ARL15: variants seen among roughly 807,000 people sequenced by gnomAD.
ARL15 encodes the protein ARF like GTPase 15.
ARL15 carries 19 observed loss-of-function variants against 25.2 expected under a neutral mutation model. The observed-to-expected ratio is 0.75, with a 90% CI of 0.53 to 1.10. The LOEUF (loss-of-function observed/expected upper bound fraction) is 1.10. Ranked by LOEUF, ARL15 falls within the 50% of genes least tolerant of loss-of-function variation. The pLI, the probability that ARL15 is intolerant of heterozygous loss-of-function variation, is 0.00. For missense variants in ARL15, 220 were observed against 246.0 expected, an observed-to-expected ratio of 0.89 and a Z score of 0.71; for synonymous variants, 94 against 86.8, an observed-to-expected ratio of 1.08 and a Z score of -0.46.
chr5:54,206,123 C>T (rs1755861594), intron 1 of ARL15, among the ~76,000 whole-genome samples: 1 of 152,082 alleles, frequency 6.6e-6, no homozygotes, highest in Non-Finnish European at 1.5e-5. Flanking sequence ...TGATCTGGCC[C>T]AAAGTCTATG....
At chr5:53,916,466 G>A (rs975755572) in intron 4 of ARL15, among the ~76,000 whole-genome samples, 2 of 151,846 alleles carry the variant, frequency 1.3e-5, no homozygotes, top group South Asian at 4.2e-4. Context: ...TTTACCTGCT[G>A]CAGGGAAAAC....
At chr5:54,266,741 A>G (rs1757635578) in intron 1 of ARL15, among the ~76,000 whole-genome samples, 1 of 152,212 alleles carries the variant, frequency 6.6e-6, no homozygotes, top group Non-Finnish European at 1.5e-5. Flanking sequence ...TGATAGTCTC[A>G]AGACATCAGG....
chr5:53,889,000 A>T (rs1413916332), intron 4 of ARL15, among the ~76,000 whole-genome samples: 2 of 152,206 alleles, frequency 1.3e-5, no homozygotes, highest in African/African-American at 2.4e-5. Flanking sequence ...TGAAGTATGC[A>T]ACATCCAAAA....
intron 1 of ARL15, among the ~76,000 whole-genome samples, chr5:54,240,260 A>ATTT (rs11378048): frequency 3.5e-5 from 5 of 142,178 alleles, no homozygotes; most frequent in Admixed American, 1.4e-4. Flanking sequence ...ATCGCCAATA[A>ATTT]TTTTTTTTTT....
chr5:54,277,704 A>G (rs1201316082), intron 1 of ARL15, among the ~76,000 whole-genome samples: 1 of 152,134 alleles, frequency 6.6e-6, no homozygotes, highest in Non-Finnish European at 1.5e-5. Context: ...GTGAGCCGAG[A>G]TCGTGCCACT....
intron 4 of ARL15, among the ~76,000 whole-genome samples, chr5:54,034,740 C>A (rs1319018627): frequency 1.3e-5 from 2 of 152,174 alleles, no homozygotes; most frequent in Non-Finnish European, 2.9e-5. Flanking sequence ...CTCACTATAA[C>A]CTCAACCTCC....
At chr5:53,930,524 G>A (rs1746164501) in intron 4 of ARL15, among the ~76,000 whole-genome samples, 1 of 152,260 alleles carries the variant, frequency 6.6e-6, no homozygotes, top group Middle Eastern at 3.4e-3. Context: ...ACTTCTCCTA[G>A]GTGTAAGAGA....
intron 1 of ARL15, among the ~76,000 whole-genome samples, chr5:54,253,505 G>C (rs1386906696): frequency 6.6e-6 from 1 of 152,104 alleles, no homozygotes; most frequent in East Asian, 1.9e-4. Context: ...TCAAACACAA[G>C]TGGGTTCCCT....
At chr5:53,962,632 TATACTCTA>T (rs1205726611) in intron 4 of ARL15, among the ~76,000 whole-genome samples, 1 of 152,184 alleles carries the variant, frequency 6.6e-6, no homozygotes, top group Non-Finnish European at 1.5e-5. Flanking sequence ...ATAGTAAATG[TATACTCTA>T]TTTTCCTCAA....
intron 4 of ARL15, among the ~76,000 whole-genome samples, chr5:53,981,766 G>C (rs1748126172): frequency 6.6e-6 from 1 of 151,940 alleles, no homozygotes; most frequent in Non-Finnish European, 1.5e-5. Flanking sequence ...AGGCATGGTG[G>C]TGCATGCCCA....
intron 4 of ARL15, among the ~76,000 whole-genome samples, chr5:54,094,087 G>A (rs1348211752): frequency 6.6e-6 from 1 of 152,122 alleles, no homozygotes; most frequent in Non-Finnish European, 1.5e-5. Flanking sequence ...CAAGACTTGA[G>A]GCATATAGGC....
chr5:54,022,463 C>T lies in ARL15; in HGVS notation c.462+90739G>A, dbSNP rs200124217. On this transcript the variant is annotated intron_variant, in intron 4 of 4. Coordinates refer to ENST00000504924, the MANE Select transcript of ARL15 (RefSeq NM_019087.3). ...CCAGAAGAAATGCAATTGCTTTGAG[C>T]CCCCCTCTCTATAATCTTATCAAAC... is the stretch of plus-strand genomic sequence containing the variant. 3.3e-5 allele frequency among the ~76,000 whole-genome samples: 5 copies of T among 152,148 alleles called. No homozygotes were observed. The East Asian group carries it at 9.7e-4, about 30-fold the overall frequency.
chr5:54,106,362 T>C (rs1448094086), intron 4 of ARL15, among the ~76,000 whole-genome samples: 1 of 152,078 alleles, frequency 6.6e-6, no homozygotes, highest in Non-Finnish European at 1.5e-5. Context: ...ATAAAGTTGA[T>C]GGTATGAAGG....
At chr5:54,087,646 C>T (rs886491069) in intron 4 of ARL15, among the ~76,000 whole-genome samples, 1 of 152,052 alleles carries the variant, frequency 6.6e-6, no homozygotes, top group Non-Finnish European at 1.5e-5. Flanking sequence ...ACATGTGACT[C>T]GTTTCCATTG....
chr5:54,253,252 T>A (rs1393720656), intron 1 of ARL15, among the ~76,000 whole-genome samples: 1 of 152,178 alleles, frequency 6.6e-6, no homozygotes, highest in Admixed American at 6.5e-5. Context: ...GGGAGTGATA[T>A]GACTCCTGTT....
At position 54,134,568 on chromosome 5, in the gene ARL15, CTTTTTTTTTTTTTTTTTTTTTTT is replaced by C. The variant is rs5867914; in HGVS notation, c.253+19989_253+20011del. On this transcript the variant is annotated intron_variant, in intron 3 of 4. Coordinates refer to ENST00000504924, the MANE Select transcript of ARL15 (RefSeq NM_019087.3). ...GTGAGCTCCCTGAAGGAATGATTAG[CTTTTTTTTTTTTTTTTTTTTTTT>C]TTTTTTTTTTCTGAGACAGAGTCTT... 2.9e-3 allele frequency among the ~76,000 whole-genome samples: 148 copies of C among 51,808 alleles called. 6 individuals carry two copies. The highest frequency in any genetic ancestry group is 4.5e-3 in the Admixed American group (14 of 3,110). 34.0% of individuals were successfully genotyped at this position (51,808 alleles called of 152,430 possible).
At chr5:54,243,342 G>A (rs1579944986) in intron 1 of ARL15, among the ~76,000 whole-genome samples, 1 of 152,136 alleles carries the variant, frequency 6.6e-6, no homozygotes, top group Admixed American at 6.5e-5. Flanking sequence ...CCTGTTATTT[G>A]TATAAATATA....
rs75298769 is a variant in ARL15 at position 54,046,955 on chromosome 5, C to A, written c.462+66247G>T. Among the ~76,000 whole-genome samples, 524 of 152,246 alleles carry A rather than the reference C, an allele frequency of 3.4e-3. 5 individuals are homozygous for A. Among genetic ancestry groups the A allele is most frequent in the African/African-American group, 0.012 (509 of 41,534 alleles). On this transcript the variant is annotated intron_variant, in intron 4 of 4. Transcript: ENST00000504924. ...CTCAACATTCCCACTGAATGCTCAA[C>A]ATGCTCGGTCTTTATCAAGGGCTTT...
intron 4 of ARL15, among the ~76,000 whole-genome samples, chr5:54,034,311 G>A: frequency 6.6e-6 from 1 of 152,116 alleles, no homozygotes; most frequent in Non-Finnish European, 1.5e-5. Context: ...CTGCCTGTTT[G>A]GCCCTTGCTG....
Sources: gnomAD v4.1 joint callset for allele counts (sites outside exome capture counted in the v4.1 genomes callset) on GRCh38, gnomAD v4.1.1 for gene constraint, MANE v1.5 for transcripts, NCBI Gene and HGNC (gene_info 2026-07-23, HGNC 2026-07-21) for gene names.